The following PXDNL variants were observed in gnomAD, a reference collection of about 807,000 sequenced individuals.
PXDNL encodes the protein probable oxidoreductase PXDNL.
PXDNL carries 145 observed loss-of-function variants against 150.8 expected under a neutral mutation model. The observed-to-expected ratio is 0.96, with a 90% CI of 0.84 to 1.10. The LOEUF is 1.10. PXDNL is among the 50% of genes least tolerant of loss of function. The pLI, the probability that PXDNL is intolerant of heterozygous loss-of-function variation, is 0.00. For synonymous variants in PXDNL, 757 were observed against 725.7 expected (o/e 1.04, Z -0.69); for missense variants, 2,087 against 1,873.9 (o/e 1.11, Z -2.10).
chr8:51,620,111 G>A (rs550913818), intron 2 of PXDNL, among the ~76,000 whole-genome samples: 3 of 152,242 alleles, frequency 2.0e-5, no homozygotes, highest in African/African-American at 7.2e-5. Flanking sequence ...AAATTTTGTT[G>A]TGAAAACCTA....
chr8:51,329,050 C>T (rs1158879182), intron 21 of PXDNL, among the ~76,000 whole-genome samples: 2 of 152,142 alleles, frequency 1.3e-5, no homozygotes, highest in Admixed American at 1.3e-4. Context: ...TCAGTGAAAT[C>T]AATTAGCTGC....
At chr8:51,803,847 A>T (rs190589911) in intron 1 of PXDNL, among the ~76,000 whole-genome samples, 30 of 152,268 alleles carry the variant, frequency 2.0e-4, no homozygotes, top group Admixed American at 9.2e-4. Flanking sequence ...CGTTAGCCCA[A>T]TGACTTTCAG....
intron 2 of PXDNL, among the ~76,000 whole-genome samples, chr8:51,631,638 C>T (rs572989790): frequency 1.7e-3 from 259 of 152,192 alleles, no homozygotes; most frequent in African/African-American, 5.7e-3. Context: ...ATAAAGGACA[C>T]AATTATTAAA....
At chr8:51,701,166 T>G (rs1402365936) in intron 1 of PXDNL, among the ~76,000 whole-genome samples, 1 of 152,162 alleles carries the variant, frequency 6.6e-6, no homozygotes, top group Non-Finnish European at 1.5e-5. Context: ...CTACATTAGA[T>G]GATAAATTGT....
chr8:51,690,996 T>C lies in PXDNL; in HGVS notation c.165-36236A>G, dbSNP rs536555051. 2.0e-4 allele frequency among the ~76,000 whole-genome samples: 31 copies of C among 152,302 alleles called. No individual in the cohort carries two copies. The East Asian group carries it at 5.8e-3, about 28-fold the overall frequency. ...TTGAGAAGTGTCTGTTCATATCCTT[T>C]GCCCACTTTTTGATGGGGTTGTTTG... On this transcript the variant is annotated intron_variant, in intron 1 of 22. Coordinates refer to ENST00000356297, the MANE Select transcript of PXDNL (RefSeq NM_144651.5).
At chr8:51,659,228 C>T (rs931752342) in intron 1 of PXDNL, among the ~76,000 whole-genome samples, 3 of 152,088 alleles carry the variant, frequency 2.0e-5, no homozygotes, top group Non-Finnish European at 2.9e-5. Context: ...CAATTTTCAT[C>T]CCATTCATTG....
At position 51,581,487 on chromosome 8, in the gene PXDNL, C is replaced by T. The variant is rs370365985; in HGVS notation, c.308+11140G>A. On this transcript the variant is annotated intron_variant, in intron 3 of 22. Coordinates refer to ENST00000356297, the MANE Select transcript of PXDNL (RefSeq NM_144651.5). ...CCAGCCTAGATGACAGAGTGAGACC[C>T]TGTCTCTAAATAAATAAATAAATAA... Among the ~76,000 whole-genome samples the T allele has an allele frequency of 8.6e-5, 12 of 139,546 alleles. No individual in the cohort carries two copies. In the East Asian group the frequency reaches 1.9e-3, roughly 23 times the overall value. 91.5% of individuals were successfully genotyped at this position (139,546 alleles called of 152,430 possible). A position where few individuals can be genotyped will look rare whatever the true frequency, so the allele number is the denominator to read the frequency against.
At chr8:51,608,182 G>A (rs1197031311) in intron 2 of PXDNL, among the ~76,000 whole-genome samples, 2 of 148,202 alleles carry the variant, frequency 1.3e-5, no homozygotes, top group Admixed American at 6.6e-5. Flanking sequence ...GAGGTCAGGA[G>A]ATCAAGACCA....
chr8:51,676,355 C>T (rs1276074678), intron 1 of PXDNL, among the ~76,000 whole-genome samples: 4 of 152,104 alleles, frequency 2.6e-5, no homozygotes, highest in Non-Finnish European at 4.4e-5. Context: ...CGGCTCACCA[C>T]AACCTCTGCT....
intron 12 of PXDNL, among the ~76,000 whole-genome samples, chr8:51,444,812 G>T (rs778951621): frequency 6.6e-6 from 1 of 152,050 alleles, no homozygotes; most frequent in Non-Finnish European, 1.5e-5. Flanking sequence ...ATCTCATAAC[G>T]TGTCACTTGG....
intron 17 of PXDNL, among the ~76,000 whole-genome samples, chr8:51,392,136 C>T (rs1222223125): frequency 2.0e-5 from 3 of 152,212 alleles, no homozygotes; most frequent in Non-Finnish European, 2.9e-5. Flanking sequence ...GTTTTGGTTA[C>T]TGTGGCCTTG....
intron 7 of PXDNL, among the ~76,000 whole-genome samples, chr8:51,473,298 C>CACAG (rs1432464101): frequency 1.3e-5 from 2 of 151,726 alleles, no homozygotes; most frequent in African/African-American, 4.8e-5. Context: ...CACACACACA[C>CACAG]ACACACACAC....
intron 2 of PXDNL, among the ~76,000 whole-genome samples, chr8:51,643,929 AC>A (rs895536661): frequency 6.6e-6 from 1 of 152,078 alleles, no homozygotes; most frequent in Non-Finnish European, 1.5e-5. Flanking sequence ...GCCAACAGAC[AC>A]GTGAAAAAAT....
intron 1 of PXDNL, among the ~76,000 whole-genome samples, chr8:51,770,943 G>T (rs2037287006): frequency 6.6e-6 from 1 of 152,122 alleles, no homozygotes; most frequent in Non-Finnish European, 1.5e-5. Context: ...CCCACAAAAG[G>T]AAAGTGCTGT....
At chr8:51,664,768 C>T (rs186217773) in intron 1 of PXDNL, among the ~76,000 whole-genome samples, 3 of 152,024 alleles carry the variant, frequency 2.0e-5, no homozygotes, top group Admixed American at 6.5e-5. Context: ...AGGTGCCCTG[C>T]GGTCCCACTG....
intron 14 of PXDNL, among the ~76,000 whole-genome samples, chr8:51,420,806 G>A (rs1015258613): frequency 2.0e-5 from 3 of 151,740 alleles, no homozygotes; most frequent in Non-Finnish European, 4.4e-5. Flanking sequence ...CTCTTGCCTC[G>A]GCCTCCCAAG....
At chr8:51,744,969 A>G (rs368687719) in intron 1 of PXDNL, among the ~76,000 whole-genome samples, 24,020 of 132,180 alleles carry the variant, frequency 0.18, 3,695 homozygotes, top group African/African-American at 0.27. Flanking sequence ...AGAAAGAAAG[A>G]AAGAAAGAAA....
Position 51,387,306 on chromosome 8 carries a change from ATGT to A in PXDNL, c.3558-12578_3558-12576del, listed in dbSNP as rs543873393. Among the ~76,000 whole-genome samples, 13 of 152,340 alleles carry A rather than the reference ATGT, an allele frequency of 8.5e-5. No individual in the cohort carries two copies. In the East Asian group the frequency reaches 2.3e-3, roughly 27 times the overall value. On this transcript the variant is annotated intron_variant, in intron 17 of 22. Coordinates refer to ENST00000356297, the MANE Select transcript of PXDNL (RefSeq NM_144651.5). The stretch of plus-strand genomic sequence containing the variant: ...CCTGCTGCACTGAAATTTAAAAGCA[ATGT>A]TAACTATGGTAATAGAGCCATGTTT...
chr8:51,576,363 T>C (rs767907674), intron 3 of PXDNL, among the ~76,000 whole-genome samples: 50 of 151,020 alleles, frequency 3.3e-4, no homozygotes, highest in Non-Finnish European at 6.1e-4. Flanking sequence ...AAAAAACCAA[T>C]AGCAAAAAGA....
Sources: gnomAD v4.1 joint callset for allele counts (sites outside exome capture counted in the v4.1 genomes callset) on GRCh38, gnomAD v4.1.1 for gene constraint, MANE v1.5 for transcripts, NCBI Gene and HGNC (gene_info 2026-07-23, HGNC 2026-07-21) for gene names.